VPS35L: variants seen among roughly 807,000 people sequenced by gnomAD.
VPS35L encodes VPS35 endosomal protein-sorting factor-like.
In VPS35L, 83 loss-of-function variants were observed where a neutral mutation model predicts 133.0. The observed-to-expected ratio is 0.62, with a 90% CI of 0.52 to 0.75. The LOEUF (loss-of-function observed/expected upper bound fraction) is 0.75. VPS35L is among the 30% of genes least tolerant of loss of function. The pLI is 0.00. For missense variants in VPS35L, 1,083 were observed against 1,206.8 expected (o/e 0.90, Z 1.52); for synonymous variants, 423 against 449.9 (o/e 0.94, Z 0.76).
intron 5 of VPS35L, among the ~76,000 whole-genome samples, chr16:19,576,642 T>C (rs1971548222): frequency 6.6e-6 from 1 of 152,110 alleles, no homozygotes; most frequent in African/African-American, 2.4e-5. Flanking sequence ...TGCAGGTCTC[T>C]GATATGGCAG....
intron 8 of VPS35L, among the ~76,000 whole-genome samples, chr16:19,599,909 C>T (rs772081181): frequency 4.6e-5 from 7 of 152,176 alleles, no homozygotes; most frequent in South Asian, 4.2e-4. Flanking sequence ...AGCATGGCAG[C>T]GCATACCTGT....
intron 10 of VPS35L, chr16:19,608,596 A>G: frequency 2.6e-6 from 1 of 390,706 alleles, no homozygotes. Flanking sequence ...ACTTGAAAGA[A>G]CAGGGTCAAG....
At chr16:19,599,395 G>A (rs1972313306) in intron 8 of VPS35L, among the ~76,000 whole-genome samples, 1 of 152,180 alleles carries the variant, frequency 6.6e-6, no homozygotes, top group Admixed American at 6.5e-5. Context: ...TATTTCTGTA[G>A]ATTCCAGAGG....
At chr16:19,649,124 A>G (rs912654609) in intron 24 of VPS35L, among the ~76,000 whole-genome samples, 2 of 151,808 alleles carry the variant, frequency 1.3e-5, no homozygotes, top group Non-Finnish European at 2.9e-5. Flanking sequence ...GAGTAGCTAT[A>G]ATTACAGGCA....
chr16:19,587,591 G>T, intron 7 of VPS35L, among the ~76,000 whole-genome samples: 1 of 149,180 alleles, frequency 6.7e-6, no homozygotes, highest in Non-Finnish European at 1.5e-5. Context: ...CCAAGATCGT[G>T]CCATTGCACT....
chr16:19,642,590 G>T (rs774542950), intron 22 of VPS35L, 114 bp downstream of exon 22: 1 of 848,964 alleles, frequency 1.2e-6, no homozygotes, highest in Non-Finnish European at 1.7e-6. Context: ...ACTTTATTGG[G>T]AGTATTAAGA....
At chr16:19,589,927 C>G (rs1051870507) in intron 7 of VPS35L, among the ~76,000 whole-genome samples, 21 of 152,256 alleles carry the variant, frequency 1.4e-4, no homozygotes, top group African/African-American at 4.8e-4. Flanking sequence ...CCCTAGGAAC[C>G]GAGAACTGTG....
intron 6 of VPS35L, among the ~76,000 whole-genome samples, chr16:19,581,251 G>A (rs72767556): frequency 6.6e-6 from 1 of 152,170 alleles, no homozygotes; most frequent in Non-Finnish European, 1.5e-5. Context: ...CTTACCCAGG[G>A]TCACACAGCT....
chr16:19,632,407 A>C (rs969428664), intron 18 of VPS35L, among the ~76,000 whole-genome samples: 1 of 152,168 alleles, frequency 6.6e-6, no homozygotes, highest in African/African-American at 2.4e-5. Context: ...CTTTTGATGT[A>C]TAAGTTCTCT....
At chr16:19,630,418 C>T (rs1973413681) in intron 18 of VPS35L, among the ~76,000 whole-genome samples, 1 of 149,082 alleles carries the variant, frequency 6.7e-6, no homozygotes, top group Non-Finnish European at 1.5e-5. Flanking sequence ...ACTGCAAGCT[C>T]CGCCTCCCGG....
intron 8 of VPS35L, among the ~76,000 whole-genome samples, chr16:19,593,896 G>A (rs2218072): frequency 0.052 from 7,663 of 148,668 alleles, 404 homozygotes; most frequent in East Asian, 0.23. Flanking sequence ...CAGCCTGGGC[G>A]ACAGGGCGAG....
chr16:19,555,875 C>G, intron 1 of VPS35L, 129 bp downstream of exon 1: 3 of 1,332,930 alleles, frequency 2.3e-6, no homozygotes, highest in Non-Finnish European at 3.0e-6. Flanking sequence ...CCCAAGTTGT[C>G]TTGACCGTAG....
intron 26 of VPS35L, among the ~76,000 whole-genome samples, chr16:19,664,303 G>A (rs1478483371): frequency 6.6e-6 from 1 of 151,936 alleles, no homozygotes; most frequent in African/African-American, 2.4e-5. Context: ...CTGCGTTTCT[G>A]GAGTTTCTCT....
chr16:19,616,404 C>T (rs746324958), intron 13 of VPS35L, among the ~76,000 whole-genome samples: 4 of 152,152 alleles, frequency 2.6e-5, no homozygotes, highest in Admixed American at 6.5e-5. Context: ...TAACAGGAAA[C>T]GTCTCCAGTC....
At chr16:19,683,768 G>T (rs1351612156) in intron 28 of VPS35L, among the ~76,000 whole-genome samples, 1 of 152,196 alleles carries the variant, frequency 6.6e-6, no homozygotes, top group Non-Finnish European at 1.5e-5. Context: ...ACATACGTGT[G>T]CATGTGTCCT....
At chr16:19,599,026 T>C (rs1393344033) in intron 8 of VPS35L, among the ~76,000 whole-genome samples, 1 of 150,758 alleles carries the variant, frequency 6.6e-6, no homozygotes, top group Admixed American at 6.6e-5. Flanking sequence ...AAGGGAGGCC[T>C]CTCTCTACAC....
At chr16:19,572,863 T>C (rs391065) in intron 3 of VPS35L, among the ~76,000 whole-genome samples, 84,159 of 151,908 alleles carry the variant, frequency 0.55, 26,533 homozygotes, top group African/African-American at 0.86. Flanking sequence ...TTAGTAGAGA[T>C]GGGGTTTTAC....
At chr16:19,676,746 A>G (rs1204924484) in intron 27 of VPS35L, among the ~76,000 whole-genome samples, 1 of 152,218 alleles carries the variant, frequency 6.6e-6, no homozygotes, top group Non-Finnish European at 1.5e-5. Context: ...TTCCACAAAC[A>G]TTTGTCGATC....
chr16:19,683,857 A>G (rs1042734921), intron 28 of VPS35L, among the ~76,000 whole-genome samples: 4 of 152,172 alleles, frequency 2.6e-5, no homozygotes, highest in African/African-American at 9.7e-5. Context: ...TCTGTTTTCA[A>G]TTCTTTGAGA....
Sources: gnomAD v4.1 joint callset for allele counts (sites outside exome capture counted in the v4.1 genomes callset) on GRCh38, gnomAD v4.1.1 for gene constraint, MANE v1.5 for transcripts, NCBI Gene and HGNC (gene_info 2026-07-23, HGNC 2026-07-21) for gene names.